GALNTL6: variants seen among roughly 807,000 people sequenced by gnomAD.
GALNTL6 encodes polypeptide N-acetylgalactosaminyltransferase like 6.
Under a neutral mutation model 73.7 loss-of-function variants are expected in GALNTL6, and 46 were observed. The ratio of observed to expected loss-of-function variants is 0.62; its 90% CI spans 0.49 to 0.80. The LOEUF (loss-of-function observed/expected upper bound fraction) is 0.80, where lower values mean the gene tolerates loss of function less well. Ranked by LOEUF, GALNTL6 falls within the 30% of genes least tolerant of loss-of-function variation. The pLI, the probability that GALNTL6 is intolerant of heterozygous loss-of-function variation, is 0.00. For missense variants in GALNTL6, 604 were observed against 755.0 expected, an observed-to-expected ratio of 0.80 and a Z score of 2.34; for synonymous variants, 259 against 263.7, an observed-to-expected ratio of 0.98 and a Z score of 0.17.
At chr4:172,451,479 A>G (rs1732209091) in intron 5 of GALNTL6, among the ~76,000 whole-genome samples, 1 of 152,186 alleles carries the variant, frequency 6.6e-6, no homozygotes, top group South Asian at 2.1e-4. Context: ...AAGTGTTACA[A>G]AATATGGGCA....
At chr4:172,178,189 A>G (rs990207589) in intron 2 of GALNTL6, among the ~76,000 whole-genome samples, 6 of 152,124 alleles carry the variant, frequency 3.9e-5, no homozygotes, top group Non-Finnish European at 7.4e-5. Context: ...AACTTATAAA[A>G]TTGTTATAAG....
At chr4:171,991,648 GGATT>G (rs1740336519) in intron 2 of GALNTL6, among the ~76,000 whole-genome samples, 1 of 150,764 alleles carries the variant, frequency 6.6e-6, no homozygotes, top group Admixed American at 6.6e-5. Context: ...GTATGTGAGA[GGATT>G]GATTATCAGT....
intron 2 of GALNTL6, among the ~76,000 whole-genome samples, chr4:172,078,799 C>G (rs773939232): frequency 6.6e-6 from 1 of 152,062 alleles, no homozygotes; most frequent in Admixed American, 6.6e-5. Flanking sequence ...ATAAACATTT[C>G]CAATTTTGAG....
chr4:172,544,725 C>T (rs991631747), intron 5 of GALNTL6, among the ~76,000 whole-genome samples: 5 of 152,158 alleles, frequency 3.3e-5, no homozygotes, highest in Non-Finnish European at 5.9e-5. Context: ...CTAGCATGAA[C>T]AGTTCTTAAT....
At chr4:172,231,207 T>C (rs1193954560) in intron 3 of GALNTL6, among the ~76,000 whole-genome samples, 1 of 152,156 alleles carries the variant, frequency 6.6e-6, no homozygotes, top group African/African-American at 2.4e-5. Flanking sequence ...CAACCCTATA[T>C]TAATCCAACC....
At chr4:172,113,329 C>T (rs1340055102) in intron 2 of GALNTL6, among the ~76,000 whole-genome samples, 1 of 151,912 alleles carries the variant, frequency 6.6e-6, no homozygotes, top group Non-Finnish European at 1.5e-5. Context: ...CATAATAGCA[C>T]AGGGTATAAA....
rs536298900 is a variant in GALNTL6, at chr4:172,296,777, C to G, written c.248-14837C>G. On this transcript the variant is annotated intron_variant, in intron 3 of 12. Transcript: ENST00000506823. ...CAGTCTATCATTGTTGGACATTTGT[C>G]TTGGTTCCAAGTCTTTGCTATTGTG... 2.0e-3 allele frequency among the ~76,000 whole-genome samples: 297 copies of G among 152,212 alleles called. 1 individual carries two copies. The highest frequency in any genetic ancestry group is 6.7e-3 in the African/African-American group (277 of 41,528).
intron 5 of GALNTL6, among the ~76,000 whole-genome samples, chr4:172,735,652 T>C (rs1736416170): frequency 6.6e-6 from 1 of 152,236 alleles, no homozygotes; most frequent in East Asian, 1.9e-4. Flanking sequence ...TGGAATGATA[T>C]GGTTTGGCTA....
At chr4:172,950,122 A>G (rs893814707) in intron 9 of GALNTL6, among the ~76,000 whole-genome samples, 12 of 152,174 alleles carry the variant, frequency 7.9e-5, no homozygotes, top group Non-Finnish European at 1.5e-4. Context: ...TCAAGACATC[A>G]TCTGTTTCCT....
chr4:171,825,274 T>C (rs1464103129), intron 2 of GALNTL6, among the ~76,000 whole-genome samples: 1 of 152,078 alleles, frequency 6.6e-6, no homozygotes, highest in East Asian at 1.9e-4. Context: ...CATAGTTGAG[T>C]AACTTGATGA....
chr4:172,318,672 G>A (rs1740652004), intron 4 of GALNTL6, among the ~76,000 whole-genome samples: 1 of 151,746 alleles, frequency 6.6e-6, no homozygotes. Context: ...ATTGCACTCT[G>A]GCCTGGGCAA....
intron 5 of GALNTL6, among the ~76,000 whole-genome samples, chr4:172,641,164 C>T (rs1178615205): frequency 2.0e-5 from 3 of 152,106 alleles, no homozygotes; most frequent in Non-Finnish European, 4.4e-5. Flanking sequence ...AAGTCAACAT[C>T]ATCTTTTGCC....
At chr4:172,823,454 A>C (rs890882677) in intron 7 of GALNTL6, among the ~76,000 whole-genome samples, 2 of 152,228 alleles carry the variant, frequency 1.3e-5, no homozygotes, top group Non-Finnish European at 2.9e-5. Context: ...GTCTCTGTGC[A>C]TAAAAGACAC....
At chr4:172,638,531 A>C (rs1011013871) in intron 5 of GALNTL6, among the ~76,000 whole-genome samples, 1 of 152,064 alleles carries the variant, frequency 6.6e-6, no homozygotes, top group Non-Finnish European at 1.5e-5. Flanking sequence ...TCAATGACAC[A>C]TTTTAGTTTT....
chr4:172,056,062 G>T (rs1731010674), intron 2 of GALNTL6, among the ~76,000 whole-genome samples: 2 of 152,096 alleles, frequency 1.3e-5, no homozygotes, highest in South Asian at 4.1e-4. Flanking sequence ...TAGAAAAATT[G>T]CTGAGTGAAG....
intron 4 of GALNTL6, among the ~76,000 whole-genome samples, chr4:172,324,499 C>T (rs1006527627): frequency 2.0e-5 from 3 of 151,290 alleles, no homozygotes; most frequent in African/African-American, 7.3e-5. Context: ...TAATAGTTCT[C>T]TTAGTAATTG....
At chr4:171,966,397 G>T (rs62326334) in intron 2 of GALNTL6, among the ~76,000 whole-genome samples, 1 of 151,918 alleles carries the variant, frequency 6.6e-6, no homozygotes, top group African/African-American at 2.4e-5. Flanking sequence ...GGACATAGCC[G>T]CAGACAGGCC....
At chr4:172,407,208 G>T (rs1022515534) in intron 5 of GALNTL6, among the ~76,000 whole-genome samples, 3 of 151,926 alleles carry the variant, frequency 2.0e-5, no homozygotes, top group African/African-American at 7.2e-5. Flanking sequence ...TCATGTTTAT[G>T]ATTGCTTATC....
At chr4:172,235,409 G>T (rs1302395888) in intron 3 of GALNTL6, among the ~76,000 whole-genome samples, 1 of 152,032 alleles carries the variant, frequency 6.6e-6, no homozygotes, top group Non-Finnish European at 1.5e-5. Flanking sequence ...GTTTCACTAT[G>T]TTGGCCAGAA....
Sources: allele counts gnomAD v4.1 joint callset (sites outside exome capture counted in the v4.1 genomes callset), GRCh38; gene constraint gnomAD v4.1.1; transcripts MANE v1.5; gene names NCBI Gene and HGNC (gene_info 2026-07-23, HGNC 2026-07-21).